Variants in CCDC91 observed in about 807,000 individuals in gnomAD.
The protein encoded by CCDC91 is coiled-coil domain-containing protein 91.
In CCDC91, 48 loss-of-function variants were observed where a neutral mutation model predicts 63.2. The observed-to-expected ratio is 0.76, with a 90% CI of 0.60 to 0.97. The LOEUF (loss-of-function observed/expected upper bound fraction) is 0.97. Among genes scored for constraint, CCDC91 ranks in the 50% least tolerant of loss-of-function variants. CCDC91 has a pLI of 0.00. For synonymous variants in CCDC91, 167 were observed against 165.8 expected, an observed-to-expected ratio of 1.01 and a Z score of -0.06; for missense variants, 500 against 494.6, an observed-to-expected ratio of 1.01 and a Z score of -0.10.
chr12:28,539,967 G>T (rs1026278957), intron 12 of CCDC91, among the ~76,000 whole-genome samples: 3 of 152,104 alleles, frequency 2.0e-5, no homozygotes, highest in South Asian at 4.1e-4. Context: ...TAATTAAGTG[G>T]TGCTTTGTTA....
intron 3 of CCDC91, among the ~76,000 whole-genome samples, chr12:28,264,581 C>CTGTGTGTGTG (rs1357762563): frequency 2.5e-3 from 75 of 29,988 alleles, no homozygotes; most frequent in Admixed American, 0.014. Context: ...ATATATATGT[C>CTGTGTGTGTG]TGTCTGTGTG....
At chr12:28,250,491 G>A (rs1180903118) in intron 1 of CCDC91, among the ~76,000 whole-genome samples, 3 of 151,996 alleles carry the variant, frequency 2.0e-5, no homozygotes, top group Non-Finnish European at 2.9e-5. Context: ...ATAATAATTG[G>A]ACACTTGATG....
chr12:28,396,674 G>A (rs1946312315), intron 8 of CCDC91, among the ~76,000 whole-genome samples: 1 of 149,968 alleles, frequency 6.7e-6, no homozygotes, highest in Non-Finnish European at 1.5e-5. Context: ...GTGTGTGTGT[G>A]TGTGTGGGCA....
rs77455592 is a variant in CCDC91 at position 28,446,270 on chromosome 12, T to C, written c.763-3891T>C. On this transcript the variant is annotated intron_variant, in intron 8 of 12. Coordinates refer to ENST00000536442, the MANE Select transcript of CCDC91 (RefSeq NM_018318.5). ...TGGGAATCTCCACAACCATGAAAAA[T>C]CAGTTCAATATCTTTTGTGGCTATT... Among the ~76,000 whole-genome samples the C allele has an allele frequency of 9.2e-3, 1,398 of 152,212 alleles. 26 individuals are homozygous for C. Among genetic ancestry groups the C allele is most frequent in the African/African-American group, 0.032 (1,327 of 41,532 alleles).
chr12:28,257,335 A>G, intron 2 of CCDC91, 90 bp downstream of exon 2: 1 of 746,956 alleles, frequency 1.3e-6, no homozygotes, highest in South Asian at 1.8e-5. Context: ...TTTCATTGGC[A>G]TTCATGATAT....
chr12:28,380,778 TTATTTAG>T (rs1426099142), intron 7 of CCDC91, among the ~76,000 whole-genome samples: 1 of 152,124 alleles, frequency 6.6e-6, no homozygotes, highest in African/African-American at 2.4e-5. Context: ...ATAATGTCAA[TTATTTAG>T]TTTTTAGTCT....
intron 3 of CCDC91, among the ~76,000 whole-genome samples, chr12:28,280,681 T>A (rs1204892417): frequency 6.6e-6 from 1 of 152,092 alleles, no homozygotes; most frequent in Non-Finnish European, 1.5e-5. Flanking sequence ...AAACCTTTTA[T>A]TGAGATATAC....
intron 7 of CCDC91, among the ~76,000 whole-genome samples, chr12:28,373,619 T>G (rs1166987165): frequency 6.6e-6 from 1 of 152,210 alleles, no homozygotes; most frequent in East Asian, 1.9e-4. Flanking sequence ...TATACATTTT[T>G]TTTTTGAATA....
chr12:28,314,510 T>G (rs1307142300), intron 6 of CCDC91, among the ~76,000 whole-genome samples: 1 of 152,068 alleles, frequency 6.6e-6, no homozygotes, highest in Non-Finnish European at 1.5e-5. Flanking sequence ...ATGTAGAGAA[T>G]TTAGCAGTTA....
intron 12 of CCDC91, among the ~76,000 whole-genome samples, chr12:28,507,066 T>G (rs1938817288): frequency 6.6e-6 from 1 of 151,962 alleles, no homozygotes; most frequent in Non-Finnish European, 1.5e-5. Context: ...AGTGAATGAT[T>G]TGAATATCTT....
chr12:28,471,695 T>C (rs1165635045), intron 11 of CCDC91, among the ~76,000 whole-genome samples: 1 of 152,128 alleles, frequency 6.6e-6, no homozygotes, highest in Non-Finnish European at 1.5e-5. Flanking sequence ...TAACTCATAA[T>C]AATTATTTAC....
intron 7 of CCDC91, among the ~76,000 whole-genome samples, chr12:28,374,232 A>G (rs983496515): frequency 2.0e-5 from 3 of 152,098 alleles, no homozygotes; most frequent in Admixed American, 6.5e-5. Flanking sequence ...TTCAAAAATG[A>G]TTATCCTGAG....
intron 1 of CCDC91, among the ~76,000 whole-genome samples, chr12:28,218,044 G>T (rs753383899): frequency 6.6e-6 from 1 of 152,022 alleles, no homozygotes; most frequent in Admixed American, 6.6e-5. Context: ...GTGACTCCTT[G>T]CTCTGTTCTC....
At chr12:28,232,790 C>G (rs1203378892) in intron 1 of CCDC91, among the ~76,000 whole-genome samples, 1 of 151,894 alleles carries the variant, frequency 6.6e-6, no homozygotes, top group African/African-American at 2.4e-5. Context: ...GTAAACTGCT[C>G]TATGTGATAA....
chr12:28,375,301 A>G (rs984953255), intron 7 of CCDC91, among the ~76,000 whole-genome samples: 2 of 151,932 alleles, frequency 1.3e-5, no homozygotes, highest in African/African-American at 2.4e-5. Flanking sequence ...TATATGTAAC[A>G]TGTCAGATTT....
At position 28,257,496 on chromosome 12, in the gene CCDC91, C is replaced by T. The variant is rs186880281; in HGVS notation, c.30+251C>T. On this transcript the variant is annotated intron_variant, in intron 2 of 12. Coordinates refer to ENST00000536442, the MANE Select transcript of CCDC91 (RefSeq NM_018318.5). ...TTAAATTGAGTTAATTAAGTGCTACCAGTGTAAGCACTAAAGGAAAGATTT... is the reference window on the plus strand; with the variant it reads ...TTAAATTGAGTTAATTAAGTGCTACTAGTGTAAGCACTAAAGGAAAGATTT... Among the ~76,000 whole-genome samples, 6 of 152,064 alleles carry T rather than the reference C, an allele frequency of 3.9e-5. No homozygotes were observed. In the East Asian group the frequency reaches 1.2e-3, roughly 29 times the overall value.
At chr12:28,457,352 GGTTT>G (rs1247768847) in intron 11 of CCDC91, among the ~76,000 whole-genome samples, 1 of 151,510 alleles carries the variant, frequency 6.6e-6, no homozygotes, top group Non-Finnish European at 1.5e-5. Context: ...TGAATTCTAA[GGTTT>G]AGGTCACTTC....
intron 11 of CCDC91, among the ~76,000 whole-genome samples, chr12:28,462,611 A>G (rs1950360262): frequency 6.6e-6 from 1 of 152,112 alleles, no homozygotes; most frequent in Non-Finnish European, 1.5e-5. Flanking sequence ...AATTGGGGAA[A>G]CAAATCCACA....
intron 12 of CCDC91, among the ~76,000 whole-genome samples, chr12:28,509,810 G>T (rs1398655210): frequency 6.6e-6 from 1 of 151,902 alleles, no homozygotes; most frequent in Non-Finnish European, 1.5e-5. Context: ...TTACAAGTGG[G>T]TATTAATATA....
Sources: gnomAD v4.1 joint callset for allele counts (sites outside exome capture counted in the v4.1 genomes callset) on GRCh38, gnomAD v4.1.1 for gene constraint, MANE v1.5 for transcripts, NCBI Gene and HGNC (gene_info 2026-07-23, HGNC 2026-07-21) for gene names.